The following FLNB variants were observed in gnomAD, a reference collection of about 807,000 sequenced individuals.
The protein encoded by FLNB is filamin-B.
In FLNB, 111 loss-of-function variants were observed where a neutral mutation model predicts 250.6. The observed-to-expected ratio is 0.44, with a 90% CI of 0.38 to 0.52. The LOEUF (loss-of-function observed/expected upper bound fraction) is 0.52. FLNB is among the 20% of genes least tolerant of loss of function. The pLI is 0.00. For missense variants in FLNB, 2,869 were observed against 3,447.8 expected, an observed-to-expected ratio of 0.83 and a Z score of 4.20; for synonymous variants, 1,302 against 1,372.1, an observed-to-expected ratio of 0.95 and a Z score of 1.13.
rs905130669 is a variant in FLNB, at chr3:58,142,841, C to T, written c.5284+89C>T. On this transcript the variant is annotated intron_variant, in intron 31 of 45. Coordinates refer to ENST00000295956, the MANE Select transcript of FLNB (RefSeq NM_001457.4). The surrounding 1 kb of genome is among the most constrained non-coding windows in gnomAD (Gnocchi z 4.3). ...CTGGGGAGGTGTGTCCACTGTCCCC[C>T]AGACCCAGGCTCCTTAACCCAGGGT... The T allele has an allele frequency of 1.8e-6, 2 of 1,137,656 alleles. No individual in the cohort carries two copies. Among genetic ancestry groups the T allele is most frequent in the African/African-American group, 1.5e-5 (1 of 66,032 alleles). 70.5% of individuals were successfully genotyped at this position (1,137,656 alleles called of 1,614,324 possible). A position where few individuals can be genotyped will look rare whatever the true frequency, so the allele number is the denominator to read the frequency against.
intron 32 of FLNB, among the ~76,000 whole-genome samples, 161 bp from the exon 33 acceptor site, chr3:58,145,760 C>T (rs1425765011): frequency 5.3e-5 from 8 of 152,072 alleles, no homozygotes; most frequent in South Asian, 4.2e-4. Context: ...CCTAGGATGG[C>T]GGGGGATGGG....
intron 27 of FLNB, 117 bp from the exon 28 acceptor site, chr3:58,135,862 G>T: frequency 9.6e-7 from 1 of 1,036,912 alleles, no homozygotes; most frequent in South Asian, 1.4e-5. Flanking sequence ...ATTGTATTAA[G>T]CCATCAATTC....
At chr3:58,019,051 A>T (rs546713687) in intron 1 of FLNB, among the ~76,000 whole-genome samples, 301 of 152,008 alleles carry the variant, frequency 2.0e-3, no homozygotes, top group Non-Finnish European at 2.6e-3. Context: ...TTGGGAGGAT[A>T]GCTTGAGCCC....
In FLNB at chr3:58,172,167, C is replaced by G. The variant is rs1239183191; in HGVS notation, c.*1405C>G. The G allele has an allele frequency of 6.6e-6, 1 of 152,568 alleles. No individual in the cohort carries two copies. Among genetic ancestry groups the G allele is most frequent in the Non-Finnish European group, 1.5e-5 (1 of 68,046 alleles). 9.5% of individuals were successfully genotyped at this position (152,568 alleles called of 1,614,324 possible). ...GTGAAAGGACCACGGGTGTTGTAAGCTGGGACACGGAAGCCAAACTGGAAT... is the reference window on the plus strand; with the variant it reads ...GTGAAAGGACCACGGGTGTTGTAAGGTGGGACACGGAAGCCAAACTGGAAT... On this transcript the variant is annotated 3_prime_UTR_variant, in exon 46 of 46. Coordinates refer to ENST00000295956, the MANE Select transcript of FLNB (RefSeq NM_001457.4).
intron 6 of FLNB, among the ~76,000 whole-genome samples, chr3:58,097,407 T>C (rs1419698201): frequency 1.3e-5 from 2 of 152,138 alleles, no homozygotes; most frequent in African/African-American, 2.4e-5. Context: ...AATCCATGTA[T>C]CTAAGAATGA....
intron 2 of FLNB, chr3:58,078,164 A>G: frequency 1.6e-6 from 1 of 632,838 alleles, no homozygotes; most frequent in Middle Eastern, 8.0e-4. Context: ...TTCAAAGTGC[A>G]GCATTAATTG....
intron 9 of FLNB, among the ~76,000 whole-genome samples, chr3:58,103,141 C>T (rs1229101958): frequency 6.6e-6 from 1 of 152,172 alleles, no homozygotes; most frequent in Non-Finnish European, 1.5e-5. Context: ...TTTGACTTCA[C>T]AGCACCAGGC....
intron 1 of FLNB, among the ~76,000 whole-genome samples, chr3:58,023,066 G>A (rs1479266085): frequency 6.6e-6 from 1 of 150,466 alleles, no homozygotes; most frequent in African/African-American, 2.4e-5. Context: ...CACCTGCCTC[G>A]GCCTCCTAAA....
At chr3:58,080,940 T>C (rs1576682577) in intron 3 of FLNB, among the ~76,000 whole-genome samples, 1 of 151,638 alleles carries the variant, frequency 6.6e-6, no homozygotes, top group East Asian at 1.9e-4. Flanking sequence ...ATTACAGGTG[T>C]CTGCCACCAC....
At chr3:58,094,253 A>T (rs2097233799) in intron 4 of FLNB, among the ~76,000 whole-genome samples, 1 of 152,132 alleles carries the variant, frequency 6.6e-6, no homozygotes, top group African/African-American at 2.4e-5. Context: ...TTTTTAGTAG[A>T]GACAGGGTTT....
rs1433247766 is a variant in FLNB, at chr3:58,142,376, T to C, written c.5182-274T>C. On this transcript the variant is annotated intron_variant, in intron 30 of 45. Coordinates refer to ENST00000295956, the MANE Select transcript of FLNB (RefSeq NM_001457.4). This position sits in a 1 kb window ranked among gnomAD's most constrained non-coding sequence, Gnocchi z 4.3. ...CTTGGGACTCATAGACATTGCTGTC[T>C]CTCACTTTTCCACTTTCCCGTGGGT... 1.3e-5 allele frequency among the ~76,000 whole-genome samples: 2 copies of C among 152,230 alleles called. No individual in the cohort carries two copies. Among genetic ancestry groups the C allele is most frequent in the Admixed American group, 6.5e-5 (1 of 15,284 alleles).
intron 3 of FLNB, among the ~76,000 whole-genome samples, chr3:58,080,709 G>A (rs2097207960): frequency 6.6e-6 from 1 of 151,442 alleles, no homozygotes; most frequent in African/African-American, 2.4e-5. Context: ...GGCCAGGCTT[G>A]TCTTGAACTC....
At position 58,163,294 on chromosome 3, in the gene FLNB, TC is replaced by T. The variant is rs1386170481; in HGVS notation, c.7164del (p.Ala2389ProfsTer63). ...PGQAGNPALV[S>X]AYGTGLEGGT... ...ACAAGCGGGGAACCCTGCCCTGGTGTCCGCCTATGGCACGGGACTCGAAGGG... is the reference window on the plus strand; with the variant it reads ...ACAAGCGGGGAACCCTGCCCTGGTGTCGCCTATGGCACGGGACTCGAAGGG... On this transcript the variant is annotated frameshift_variant, in exon 43 of 46. Coordinates refer to ENST00000295956, the MANE Select transcript of FLNB (RefSeq NM_001457.4). LOFTEE classifies it high-confidence loss of function. 1 of 1,614,212 alleles carries T rather than the reference TC, an allele frequency of 6.2e-7. No homozygotes were observed. Among genetic ancestry groups the T allele is most frequent in the South Asian group, 1.1e-5 (1 of 91,088 alleles).
intron 32 of FLNB, among the ~76,000 whole-genome samples, chr3:58,145,314 A>G (rs892432934): frequency 1.3e-5 from 2 of 152,176 alleles, no homozygotes; most frequent in African/African-American, 2.4e-5. Context: ...TTTTTAATGC[A>G]TCATATTATG....
intron 1 of FLNB, among the ~76,000 whole-genome samples, chr3:58,010,014 GTGTGTATAGCATGTGCATATGCAAAGAGT>G (rs2097096144): frequency 1.3e-5 from 2 of 152,138 alleles, no homozygotes; most frequent in Non-Finnish European, 2.9e-5. Context: ...CACATAGCAT[GTGTGTATAGCATGTGCATATGCAAAGAGT>G]TTGCATGTAC....
intron 4 of FLNB, among the ~76,000 whole-genome samples, chr3:58,085,567 G>A (rs2097216078): frequency 1.3e-5 from 2 of 152,208 alleles, no homozygotes; most frequent in African/African-American, 2.4e-5. Flanking sequence ...GTCCCACCTT[G>A]CTTAGTTCTA....
intron 25 of FLNB, chr3:58,131,905 A>G (rs775006618): frequency 3.5e-4 from 527 of 1,512,352 alleles, no homozygotes; most frequent in Non-Finnish European, 4.3e-4. Context: ...AGGACTCTCA[A>G]GTAACAGCCT....
rs547945493 is a variant in FLNB at position 58,094,742 on chromosome 3, C to A, written c.788-94C>A. On this transcript the variant is annotated intron_variant, in intron 4 of 45. Transcript: ENST00000295956. ...CCACATGGGATCTGCAGGGCTGGGT[C>A]CCATCTCTCAGTTCCCTGAAAGAGA... 78 of 1,036,262 alleles carry A rather than the reference C, an allele frequency of 7.5e-5. No homozygotes were observed. In the African/African-American group the frequency reaches 1.1e-3, roughly 15 times the overall value. 64.2% of individuals were successfully genotyped at this position (1,036,262 alleles called of 1,614,324 possible).
At position 58,069,943 on chromosome 3, in the gene FLNB, G is replaced by A. The variant is rs961270238; in HGVS notation, c.293-7103G>A. The stretch of plus-strand genomic sequence containing the variant: ...GTCTGGCCCTAGGGAAGAGTGTTTG[G>A]CACATAGCAGGTACTTAAGTATTAG... On this transcript the variant is annotated intron_variant, in intron 1 of 45. Transcript: ENST00000295956. 3.3e-5 allele frequency among the ~76,000 whole-genome samples: 5 copies of A among 152,102 alleles called. No homozygotes were observed. The South Asian group carries it at 8.3e-4, about 25-fold the overall frequency.
Sources: allele counts gnomAD v4.1 joint callset (sites outside exome capture counted in the v4.1 genomes callset), GRCh38; gene constraint gnomAD v4.1.1; non-coding constraint Gnocchi (gnomAD v3.1); transcripts MANE v1.5; gene names NCBI Gene and HGNC (gene_info 2026-07-23, HGNC 2026-07-21).